The following SORT1 variants were observed in gnomAD, a reference collection of about 807,000 sequenced individuals.
SORT1 encodes the protein sortilin 1.
In SORT1, 39 loss-of-function variants were observed where a neutral mutation model predicts 101.7. The observed-to-expected ratio is 0.38, with a 90% CI of 0.30 to 0.50. SORT1 has a LOEUF of 0.50. SORT1 is among the 20% of genes least tolerant of loss of function. The pLI, the probability that SORT1 is intolerant of heterozygous loss-of-function variation, is 0.90. For synonymous variants in SORT1, 396 were observed against 393.7 expected (o/e 1.01, Z -0.07); for missense variants, 878 against 1,040.4 (o/e 0.84, Z 2.15).
intron 14 of SORT1, among the ~76,000 whole-genome samples, chr1:109,323,770 T>A (rs1411693631): frequency 1.3e-5 from 2 of 152,340 alleles, no homozygotes; most frequent in East Asian, 3.9e-4. Context: ...AAGACCAGCA[T>A]ACAGCCTGCT....
chr1:109,372,898 C>CA (rs34712891), intron 1 of SORT1, among the ~76,000 whole-genome samples: 6,045 of 98,192 alleles, frequency 0.062, 204 homozygotes, highest in African/African-American at 0.13. Flanking sequence ...GGCTCCGTCT[C>CA]AAAAAAAAAA....
chr1:109,330,554 C>T (rs1044214593), intron 11 of SORT1, among the ~76,000 whole-genome samples: 2 of 152,056 alleles, frequency 1.3e-5, no homozygotes, highest in Admixed American at 6.6e-5. Flanking sequence ...AAAATCTTAA[C>T]TTTATACCTC....
chr1:109,372,519 G>A (rs947596624), intron 1 of SORT1, among the ~76,000 whole-genome samples: 14 of 152,186 alleles, frequency 9.2e-5, no homozygotes, highest in African/African-American at 2.4e-5. Flanking sequence ...AAATGTAAAA[G>A]TTCATTTCTG....
chr1:109,360,634 G>T (rs985924541), intron 3 of SORT1, among the ~76,000 whole-genome samples: 1 of 151,954 alleles, frequency 6.6e-6, no homozygotes, highest in African/African-American at 2.4e-5. Context: ...ACTGCGCCTG[G>T]CCTAGATATT....
chr1:109,393,379 C>T (rs1319572799), intron 1 of SORT1: 6 of 877,942 alleles, frequency 6.8e-6, no homozygotes, highest in Non-Finnish European at 8.2e-6. Context: ...AGGAAATTGT[C>T]AAATGGTCTG....
chr1:109,364,102 CT>C (rs1650921774), intron 3 of SORT1, among the ~76,000 whole-genome samples: 1 of 151,982 alleles, frequency 6.6e-6, no homozygotes, highest in Non-Finnish European at 1.5e-5. Context: ...CAAAAAACTG[CT>C]GGGTAACATG....
At chr1:109,337,187 TA>T (rs2101573236) in intron 10 of SORT1, among the ~76,000 whole-genome samples, 1 of 152,368 alleles carries the variant, frequency 6.6e-6, no homozygotes, top group South Asian at 2.1e-4. Flanking sequence ...TTCAATGATA[TA>T]AACTGTTGCA....
chr1:109,385,607 C>A (rs1287715564), intron 1 of SORT1, among the ~76,000 whole-genome samples: 2 of 152,204 alleles, frequency 1.3e-5, no homozygotes, highest in African/African-American at 4.8e-5. Flanking sequence ...TGCTGCTTCT[C>A]CCTTGGGTGT....
intron 16 of SORT1, 36 bp from the exon 17 acceptor site, chr1:109,316,994 G>A (rs759605901): frequency 2.2e-6 from 3 of 1,347,432 alleles, no homozygotes; most frequent in African/African-American, 2.9e-5. Context: ...CAGAAGATAA[G>A]GATGTATTCC....
chr1:109,361,882 C>T (rs1303299993), intron 3 of SORT1, among the ~76,000 whole-genome samples: 3 of 152,156 alleles, frequency 2.0e-5, no homozygotes, highest in East Asian at 1.9e-4. Context: ...CAAGGTGATG[C>T]TTTGCCTTTG....
chr1:109,378,713 T>C (rs1570978102), intron 1 of SORT1, among the ~76,000 whole-genome samples: 1 of 9,042 alleles, frequency 1.1e-4, no homozygotes, highest in African/African-American at 3.1e-4. Flanking sequence ...TATATATATA[T>C]ATATATATAT....
intron 1 of SORT1, among the ~76,000 whole-genome samples, chr1:109,383,175 C>A (rs928555107): frequency 6.6e-6 from 1 of 152,184 alleles, no homozygotes; most frequent in Non-Finnish European, 1.5e-5. Context: ...TGCACTATTG[C>A]ATGTGGGTCA....
chr1:109,397,736 G>A lies in SORT1; in HGVS notation c.157C>T (p.Pro53Ser). 1 of 1,197,010 alleles carries A rather than the reference G, an allele frequency of 8.4e-7. No homozygotes were observed. The highest frequency in any genetic ancestry group is 1.0e-6 in the Non-Finnish European group (1 of 966,036). 74.1% of individuals were successfully genotyped at this position (1,197,010 alleles called of 1,614,324 possible). A position where few individuals can be genotyped will look rare whatever the true frequency, so the allele number is the denominator to read the frequency against. The part of the protein sequence containing the change: ...PAAPLPRWSG[P>S]IGVSWGLRAA... ...CGCAGCCCCCAGCTCACCCCGATGGGGCCAGACCAGCGCGGCAGCGGCGCA... is the reference window on the plus strand; with the variant it reads ...CGCAGCCCCCAGCTCACCCCGATGGAGCCAGACCAGCGCGGCAGCGGCGCA... The change falls in exon 1 of 20, where the codon CCC (proline) becomes TCC (serine). Residue 53 changes from proline (P) to serine (S), a missense_variant. Coordinates refer to ENST00000256637, the MANE Select transcript of SORT1 (RefSeq NM_002959.7).
chr1:109,325,786 C>A (rs1416750785), intron 13 of SORT1, among the ~76,000 whole-genome samples: 1 of 151,692 alleles, frequency 6.6e-6, no homozygotes, highest in African/African-American at 2.4e-5. Flanking sequence ...ACCAGCCTGA[C>A]CAACACAACA....
At chr1:109,336,447 TG>T (rs1012148792) in intron 10 of SORT1, 101 bp from the exon 11 acceptor site, 2 of 756,470 alleles carry the variant, frequency 2.6e-6, no homozygotes, top group African/African-American at 3.4e-5. Context: ...GTATAGCACC[TG>T]GAGTCCGACA....
rs1160126191 is a variant in SORT1, at chr1:109,314,004, G to C, written c.*39C>G. On this transcript the variant is annotated 3_prime_UTR_variant, in exon 20 of 20. Coordinates refer to ENST00000256637, the MANE Select transcript of SORT1 (RefSeq NM_002959.7). ...CCACAGGGAGTGTAAGAGGTACTGT[G>C]GTTCCACCATCCATGCTGGGTCCAG... The C allele has an allele frequency of 6.2e-7, 1 of 1,605,798 alleles. No individual in the cohort carries two copies. Among genetic ancestry groups the C allele is most frequent in the South Asian group, 1.1e-5 (1 of 90,870 alleles).
chr1:109,336,425 T>C, intron 10 of SORT1, 79 bp from the exon 11 acceptor site: 2 of 919,378 alleles, frequency 2.2e-6, no homozygotes. Context: ...TGCATGACTC[T>C]CTCCTGAGAC....
At chr1:109,338,684 T>C (rs1649006221) in intron 10 of SORT1, among the ~76,000 whole-genome samples, 1 of 152,140 alleles carries the variant, frequency 6.6e-6, no homozygotes, top group South Asian at 2.1e-4. Flanking sequence ...ACAACATAGA[T>C]TCAAAACATC....
chr1:109,383,615 T>A (rs778363296), intron 1 of SORT1, among the ~76,000 whole-genome samples: 1 of 152,168 alleles, frequency 6.6e-6, no homozygotes, highest in Non-Finnish European at 1.5e-5. Flanking sequence ...GGTGATCCCA[T>A]ACAGACTGCC....
Sources: allele counts gnomAD v4.1 joint callset (sites outside exome capture counted in the v4.1 genomes callset), GRCh38; gene constraint gnomAD v4.1.1; transcripts MANE v1.5; gene names NCBI Gene and HGNC (gene_info 2026-07-23, HGNC 2026-07-21).